NKAIN3: variants seen among roughly 807,000 people sequenced by gnomAD.
The protein encoded by NKAIN3 is sodium/potassium-transporting ATPase subunit beta-1-interacting protein 3.
NKAIN3 carries 25 observed loss-of-function variants against 30.2 expected under a neutral mutation model. The ratio of observed to expected loss-of-function variants is 0.83; its 90% CI spans 0.60 to 1.16. The LOEUF (loss-of-function observed/expected upper bound fraction) is 1.16, where lower values mean the gene tolerates loss of function less well. Among genes scored for constraint, NKAIN3 ranks in the 50% most tolerant of loss-of-function variants. The pLI is 0.00. For missense variants in NKAIN3, 225 were observed against 254.1 expected, an observed-to-expected ratio of 0.89 and a Z score of 0.78; for synonymous variants, 91 against 89.6, an observed-to-expected ratio of 1.02 and a Z score of -0.09.
chr8:62,807,402 G>A (rs1485834553), intron 4 of NKAIN3, among the ~76,000 whole-genome samples: 1 of 151,806 alleles, frequency 6.6e-6, no homozygotes, highest in East Asian at 1.9e-4. Context: ...AAATTTTTGT[G>A]TGTCTATTTA....
chr8:62,407,198 AT>A (rs1276750784), intron 1 of NKAIN3, among the ~76,000 whole-genome samples: 2 of 151,962 alleles, frequency 1.3e-5, no homozygotes, highest in Non-Finnish European at 2.9e-5. Context: ...AGATAAACAT[AT>A]TAATATTTTA....
At chr8:62,429,312 C>T (rs529044049) in intron 1 of NKAIN3, among the ~76,000 whole-genome samples, 1 of 151,832 alleles carries the variant, frequency 6.6e-6, no homozygotes, top group Non-Finnish European at 1.5e-5. Flanking sequence ...GAGTTTTTAT[C>T]ATGAAGTGTG....
At chr8:62,451,716 G>C (rs1805648822) in intron 1 of NKAIN3, among the ~76,000 whole-genome samples, 1 of 152,054 alleles carries the variant, frequency 6.6e-6, no homozygotes, top group South Asian at 2.1e-4. Flanking sequence ...AATTATCAAA[G>C]AGTTTTCTTG....
chr8:62,499,213 G>A (rs1263726412), intron 1 of NKAIN3, among the ~76,000 whole-genome samples: 3 of 152,250 alleles, frequency 2.0e-5, no homozygotes, highest in Middle Eastern at 3.4e-3. Context: ...CCATGCTAAG[G>A]CCTTGGTAAA....
At chr8:62,499,517 A>G (rs959843766) in intron 1 of NKAIN3, among the ~76,000 whole-genome samples, 5 of 152,132 alleles carry the variant, frequency 3.3e-5, no homozygotes, top group Non-Finnish European at 7.4e-5. Flanking sequence ...AAGGTCTCCA[A>G]ACAAAGTTAA....
chr8:62,477,736 G>A (rs1401005544), intron 1 of NKAIN3, among the ~76,000 whole-genome samples: 2 of 152,068 alleles, frequency 1.3e-5, no homozygotes, highest in African/African-American at 2.4e-5. Flanking sequence ...TCATGATTCC[G>A]TCAAGATGTA....
intron 1 of NKAIN3, among the ~76,000 whole-genome samples, chr8:62,538,707 C>A (rs1441090826): frequency 6.6e-6 from 1 of 152,098 alleles, no homozygotes; most frequent in Non-Finnish European, 1.5e-5. Context: ...TGGTCTCAGG[C>A]GAATTTGCTG....
intron 3 of NKAIN3, among the ~76,000 whole-genome samples, chr8:62,712,229 G>C (rs1050761250): frequency 6.6e-6 from 1 of 152,162 alleles, no homozygotes; most frequent in Non-Finnish European, 1.5e-5. Context: ...GCGAGGAGGT[G>C]GCACTTTCCA....
chr8:62,617,266 C>G (rs1811486737), intron 3 of NKAIN3, among the ~76,000 whole-genome samples: 1 of 152,096 alleles, frequency 6.6e-6, no homozygotes, highest in East Asian at 1.9e-4. Context: ...CAGATAAGGT[C>G]AAAAGGAGCT....
At chr8:62,738,726 GC>G (rs2130563004) in intron 3 of NKAIN3, among the ~76,000 whole-genome samples, 1 of 150,688 alleles carries the variant, frequency 6.6e-6, no homozygotes, top group Admixed American at 6.6e-5. Flanking sequence ...ATGGATATTT[GC>G]CCTTTGTCAG....
intron 3 of NKAIN3, among the ~76,000 whole-genome samples, chr8:62,630,345 A>G (rs978566954): frequency 6.6e-6 from 1 of 152,124 alleles, no homozygotes; most frequent in African/African-American, 2.4e-5. Flanking sequence ...CTGAACACAA[A>G]TAATGCTCTG....
Position 62,951,340 on chromosome 8 carries a change from G to C in NKAIN3, c.533-2562G>C, listed in dbSNP as rs1823279964. On this transcript the variant is annotated intron_variant, in intron 5 of 6. Coordinates refer to ENST00000623646, the MANE Select transcript of NKAIN3 (RefSeq NM_001304533.3). ...TCTTATATACCAGTTTATAATACTG[G>C]AATTACATTAGTTTATCAAATGCTT... 3.3e-5 allele frequency among the ~76,000 whole-genome samples: 5 copies of C among 152,174 alleles called. No homozygotes were observed. In the South Asian group the frequency reaches 1.0e-3, roughly 32 times the overall value.
At chr8:62,953,851 T>G (rs1823348960) in intron 5 of NKAIN3, 51 bp from the exon 6 acceptor site, 1 of 432,332 alleles carries the variant, frequency 2.3e-6, no homozygotes. Flanking sequence ...AACATTAGTA[T>G]TATGTGTATT....
rs140484095 is a variant in NKAIN3 at position 62,410,570 on chromosome 8, G to A, written c.54+161443G>A. Among the ~76,000 whole-genome samples the A allele has an allele frequency of 1.1e-4, 17 of 151,834 alleles. No homozygotes were observed. The East Asian group carries it at 3.3e-3, about 29-fold the overall frequency. On this transcript the variant is annotated intron_variant, in intron 1 of 6. Transcript: ENST00000623646. ...AAAAGATCAGTGAAACCAAGAATTG[G>A]TACTTTGGAAAAAAACAAAACAAGA...
At chr8:62,805,690 A>G (rs1311297014) in intron 4 of NKAIN3, among the ~76,000 whole-genome samples, 1 of 152,252 alleles carries the variant, frequency 6.6e-6, no homozygotes, top group East Asian at 1.9e-4. Context: ...ACCTAAAACC[A>G]TAAAATCCCT....
At chr8:62,844,650 T>C (rs910077087) in intron 4 of NKAIN3, among the ~76,000 whole-genome samples, 2 of 152,194 alleles carry the variant, frequency 1.3e-5, no homozygotes, top group African/African-American at 4.8e-5. Context: ...TTTGTTTTGT[T>C]GTTCTATATT....
intron 3 of NKAIN3, among the ~76,000 whole-genome samples, chr8:62,695,920 C>T (rs1814139942): frequency 6.6e-6 from 1 of 152,132 alleles, no homozygotes; most frequent in South Asian, 2.1e-4. Flanking sequence ...GTATTTTCTG[C>T]ACCTTAAAAT....
At chr8:62,883,456 G>GTTTTTTTTTTTTTTTTTTTTT (rs1563611107) in intron 4 of NKAIN3, among the ~76,000 whole-genome samples, 2 of 17,226 alleles carry the variant, frequency 1.2e-4, no homozygotes, top group African/African-American at 1.4e-3. Context: ...GAGTTTTATG[G>GTTTTTTTTTTTTTTTTTTTTT]GTTTTTTTTT....
chr8:62,581,604 A>G (rs16918927), intron 2 of NKAIN3, among the ~76,000 whole-genome samples: 1,675 of 152,230 alleles, frequency 0.011, 28 homozygotes, highest in African/African-American at 0.035. Context: ...TACTTTTCTT[A>G]AATTACTGGC....
Sources: allele counts gnomAD v4.1 joint callset (sites outside exome capture counted in the v4.1 genomes callset), GRCh38; gene constraint gnomAD v4.1.1; transcripts MANE v1.5; gene names NCBI Gene and HGNC (gene_info 2026-07-23, HGNC 2026-07-21).